Variants in ADAMTS19 observed in about 807,000 individuals in gnomAD.
The protein encoded by ADAMTS19 is A disintegrin and metalloproteinase with thrombospondin motifs 19.
Under a neutral mutation model 153.3 loss-of-function variants are expected in ADAMTS19, and 93 were observed. That is an observed-to-expected ratio of 0.61 (90% CI 0.51 to 0.72). The LOEUF (loss-of-function observed/expected upper bound fraction) is 0.72. Ranked by LOEUF, ADAMTS19 falls within the 30% of genes least tolerant of loss-of-function variation. The pLI, the probability that ADAMTS19 is intolerant of heterozygous loss-of-function variation, is 0.00. For missense variants in ADAMTS19, 1,482 were observed against 1,552.1 expected (o/e 0.95, Z 0.76); for synonymous variants, 600 against 556.6 (o/e 1.08, Z -1.10).
intron 15 of ADAMTS19, 151 bp from the exon 16 acceptor site, chr5:129,665,348 A>T: frequency 2.0e-6 from 1 of 489,876 alleles, no homozygotes; most frequent in Non-Finnish European, 3.5e-6. Context: ...GGAAATCATG[A>T]CAGCTTTTAT....
chr5:129,612,541 C>A (rs1201176120), intron 8 of ADAMTS19, among the ~76,000 whole-genome samples: 1 of 152,080 alleles, frequency 6.6e-6, no homozygotes, highest in Non-Finnish European at 1.5e-5. Context: ...GAAGGAAGCA[C>A]TAAACATGGA....
intron 2 of ADAMTS19, among the ~76,000 whole-genome samples, chr5:129,488,208 G>A (rs1254352892): frequency 6.6e-6 from 1 of 151,972 alleles, no homozygotes; most frequent in African/African-American, 2.4e-5. Flanking sequence ...CAAGAATAGT[G>A]TAAATTTGTA....
At chr5:129,478,893 G>A (rs1750318250) in intron 2 of ADAMTS19, among the ~76,000 whole-genome samples, 1 of 152,112 alleles carries the variant, frequency 6.6e-6, no homozygotes, top group Admixed American at 6.5e-5. Context: ...AATGAATGGA[G>A]GCGCTGTAGT....
intron 2 of ADAMTS19, among the ~76,000 whole-genome samples, chr5:129,465,930 G>A (rs1457448458): frequency 6.6e-6 from 1 of 152,202 alleles, no homozygotes; most frequent in Non-Finnish European, 1.5e-5. Context: ...TGGATTAAGG[G>A]AAACATATAG....
intron 3 of ADAMTS19, among the ~76,000 whole-genome samples, chr5:129,518,710 A>G (rs1195407513): frequency 6.6e-6 from 1 of 151,780 alleles, no homozygotes; most frequent in Non-Finnish European, 1.5e-5. Flanking sequence ...ACCTTTTTGT[A>G]TTTGGATATC....
intron 7 of ADAMTS19, among the ~76,000 whole-genome samples, chr5:129,570,815 G>T (rs993816064): frequency 2.0e-5 from 3 of 151,770 alleles, no homozygotes; most frequent in African/African-American, 4.8e-5. Flanking sequence ...TAAAGAAAAT[G>T]CATGTTGACC....
intron 6 of ADAMTS19, among the ~76,000 whole-genome samples, chr5:129,529,063 C>A (rs1049238581): frequency 6.6e-6 from 1 of 152,038 alleles, no homozygotes; most frequent in African/African-American, 2.4e-5. Context: ...AATTGAAAAA[C>A]TTTCTGGCTC....
At chr5:129,719,038 G>A (rs1251204892) in intron 21 of ADAMTS19, among the ~76,000 whole-genome samples, 1 of 152,104 alleles carries the variant, frequency 6.6e-6, no homozygotes, top group African/African-American at 2.4e-5. Context: ...TGCTGGCCAA[G>A]TGTGAGAATT....
chr5:129,730,173 G>C (rs1028245471), intron 21 of ADAMTS19, among the ~76,000 whole-genome samples: 3 of 151,886 alleles, frequency 2.0e-5, no homozygotes, highest in East Asian at 1.9e-4. Context: ...TGAGATTAAG[G>C]CTTTTAAAGG....
chr5:129,534,675 T>C (rs1752347986), intron 6 of ADAMTS19, among the ~76,000 whole-genome samples: 1 of 152,144 alleles, frequency 6.6e-6, no homozygotes, highest in African/African-American at 2.4e-5. Context: ...AAATCCTCAA[T>C]AAAATACTGG....
Position 129,469,430 on chromosome 5 carries a change from C to T in ADAMTS19, c.747+7673C>T, listed in dbSNP as rs983736768. 6.6e-5 allele frequency among the ~76,000 whole-genome samples: 10 copies of T among 152,218 alleles called. No homozygotes were observed. The East Asian group carries it at 1.9e-3, about 29-fold the overall frequency. On this transcript the variant is annotated intron_variant, in intron 2 of 22. Transcript: ENST00000274487. ...TGGACATAATTGGGGAACATTTAAT[C>T]TTACACCTTGTAGGAGAGTAAATTT...
At chr5:129,618,654 A>G (rs1248751063) in intron 8 of ADAMTS19, among the ~76,000 whole-genome samples, 4 of 152,008 alleles carry the variant, frequency 2.6e-5, no homozygotes, top group African/African-American at 9.7e-5. Flanking sequence ...AGCAATTTCT[A>G]TAACAGTTCT....
intron 10 of ADAMTS19, among the ~76,000 whole-genome samples, chr5:129,640,731 G>T (rs1181895794): frequency 6.6e-6 from 1 of 151,930 alleles, no homozygotes; most frequent in Non-Finnish European, 1.5e-5. Context: ...TACTTGTTCT[G>T]TCTTTATTGA....
At chr5:129,728,399 A>C (rs941764103) in intron 21 of ADAMTS19, among the ~76,000 whole-genome samples, 1 of 152,132 alleles carries the variant, frequency 6.6e-6, no homozygotes, top group Non-Finnish European at 1.5e-5. Flanking sequence ...TTTAGGGTAC[A>C]TGTACACAAC....
chr5:129,512,921 C>T (rs1751487201), intron 3 of ADAMTS19, among the ~76,000 whole-genome samples: 2 of 151,730 alleles, frequency 1.3e-5, no homozygotes, highest in African/African-American at 2.4e-5. Flanking sequence ...TTTTCTACTT[C>T]CTGTTCCACC....
At chr5:129,543,669 G>A (rs997582218) in intron 6 of ADAMTS19, among the ~76,000 whole-genome samples, 1 of 152,136 alleles carries the variant, frequency 6.6e-6, no homozygotes, top group African/African-American at 2.4e-5. Context: ...CTAAAGCCAA[G>A]TATTTGAGGG....
In ADAMTS19 at chr5:129,648,840, A is replaced by G. The variant is rs1237222847; in HGVS notation, c.2046A>G (p.Gln682=). Residue 682 remains glutamine (Q), a synonymous_variant, in exon 13 of 23, where the codon CAA becomes CAG. Coordinates refer to ENST00000274487, the MANE Select transcript of ADAMTS19 (RefSeq NM_133638.6). The part of the protein sequence containing the change: ...EARDCNGPRK[Q]YRICENPPCP... ...GGGATTGTAATGGTCCCAGAAAACAATACAGAATATGTGAGAATCCACCTT... is the reference window on the plus strand; with the variant it reads ...GGGATTGTAATGGTCCCAGAAAACAGTACAGAATATGTGAGAATCCACCTT... 1 of 1,614,032 alleles carries G rather than the reference A, an allele frequency of 6.2e-7. No individual in the cohort carries two copies. The highest frequency in any genetic ancestry group is 8.5e-7 in the Non-Finnish European group (1 of 1,179,944).
At chr5:129,597,685 T>G (rs1278290515) in intron 8 of ADAMTS19, among the ~76,000 whole-genome samples, 1 of 151,914 alleles carries the variant, frequency 6.6e-6, no homozygotes, top group Non-Finnish European at 1.5e-5. Flanking sequence ...GGTGGGCGGA[T>G]CACGAGATCA....
At chr5:129,541,642 C>T (rs961842471) in intron 6 of ADAMTS19, among the ~76,000 whole-genome samples, 16 of 152,122 alleles carry the variant, frequency 1.1e-4, no homozygotes, top group East Asian at 9.7e-4. Flanking sequence ...ACCCTTACCA[C>T]GTTACAGAGG....
Sources: gnomAD v4.1 joint callset for allele counts (sites outside exome capture counted in the v4.1 genomes callset) on GRCh38, gnomAD v4.1.1 for gene constraint, MANE v1.5 for transcripts, NCBI Gene and HGNC (gene_info 2026-07-23, HGNC 2026-07-21) for gene names.